USP31: variants seen among roughly 807,000 people sequenced by gnomAD.
The protein encoded by USP31 is ubiquitin specific peptidase 31.
Under a neutral mutation model 119.4 loss-of-function variants are expected in USP31, and 44 were observed. That is an observed-to-expected ratio of 0.37 (90% CI 0.29 to 0.47). The LOEUF is 0.47. USP31 is among the 20% of genes least tolerant of loss of function. The pLI, the probability that USP31 is intolerant of heterozygous loss-of-function variation, is 0.99. For missense variants in USP31, 1,643 were observed against 1,730.2 expected (o/e 0.95, Z 0.89); for synonymous variants, 749 against 705.6 (o/e 1.06, Z -0.97).
At chr16:23,082,126 A>G (rs1376431774) in intron 12 of USP31, among the ~76,000 whole-genome samples, 3 of 152,208 alleles carry the variant, frequency 2.0e-5, no homozygotes, top group African/African-American at 7.2e-5. Flanking sequence ...TTAGGTAGAA[A>G]CAGAATTCTA....
Position 23,068,309 on chromosome 16 carries a change from T to C in USP31, c.3796A>G (p.Thr1266Ala), listed in dbSNP as rs781482344. 6.2e-7 allele frequency: 1 copy of C among 1,613,866 alleles called. No individual in the cohort carries two copies. The highest frequency in any genetic ancestry group is 1.3e-5 in the African/African-American group (1 of 74,906). Residue 1266 changes from threonine (T) to alanine (A), a missense_variant, in exon 16 of 16, where the codon ACC (threonine) becomes GCC (alanine). This residue lies in a region of USP31 where 699 missense variants were observed against 650.9 expected (regional missense o/e 1.07). Transcript: ENST00000219689. ...GSSVKSVCKN[T>A]GDDEAERGHQ... Reference sequence around the variant, plus strand: ...CCTCTCTCTGCCTCGTCGTCCCCGGTGTTCTTACAGACAGACTTAACAGAG... The same window carrying C: ...CCTCTCTCTGCCTCGTCGTCCCCGGCGTTCTTACAGACAGACTTAACAGAG...
chr16:23,105,954 C>G (rs548189446), intron 4 of USP31, among the ~76,000 whole-genome samples: 2 of 152,248 alleles, frequency 1.3e-5, no homozygotes, highest in African/African-American at 4.8e-5. Context: ...CACTCAGCAG[C>G]CCCCGTCCCC....
intron 1 of USP31, among the ~76,000 whole-genome samples, chr16:23,143,592 G>C (rs1008113999): frequency 2.0e-5 from 3 of 150,778 alleles, no homozygotes; most frequent in African/African-American, 4.9e-5. Context: ...GGTTGGGGGG[G>C]GGGAGAGAGA....
At chr16:23,085,503 C>T in intron 10 of USP31, 82 bp downstream of exon 10, 1 of 1,247,052 alleles carries the variant, frequency 8.0e-7, no homozygotes, top group East Asian at 2.3e-5. Flanking sequence ...TGTGTTTCAG[C>T]TCATTTAACA....
intron 13 of USP31, among the ~76,000 whole-genome samples, chr16:23,076,322 G>T (rs1298549629): frequency 6.6e-6 from 1 of 150,628 alleles, no homozygotes; most frequent in Non-Finnish European, 1.5e-5. Context: ...CTTAAAAACA[G>T]AGTATCTTTC....
chr16:23,068,878 T>C lies in USP31; in HGVS notation c.3227A>G (p.Lys1076Arg). 6.3e-7 allele frequency: 1 copy of C among 1,592,852 alleles called. No homozygotes were observed. Among genetic ancestry groups the C allele is most frequent in the Non-Finnish European group, 8.5e-7 (1 of 1,170,218 alleles). ...VSLKPSRSRS[K>R]ADSSSRGSGR... ...ACTGCCCCTGGAAGAAGAATCTGCT[T>C]TGCTGCGGGAGCGGGAGGGCTTTAG... Residue 1076 changes from lysine to arginine, a missense_variant, in exon 16 of 16, where the codon AAA becomes AGA. By Grantham distance (26) the Lys-to-Arg change is conservative. This residue lies in a region of USP31 where 699 missense variants were observed against 650.9 expected (regional missense o/e 1.07). Transcript: ENST00000219689.
intron 15 of USP31, 96 bp from the exon 16 acceptor site, chr16:23,069,712 G>C: frequency 1.4e-6 from 2 of 1,453,966 alleles, no homozygotes. Context: ...TAAGCCTCAT[G>C]GGATGAAAGG....
At chr16:23,114,723 A>T (rs960373881) in intron 1 of USP31, among the ~76,000 whole-genome samples, 2 of 152,182 alleles carry the variant, frequency 1.3e-5, no homozygotes, top group South Asian at 4.1e-4. Flanking sequence ...GGCACGACCC[A>T]ACAGGTAACA....
intron 10 of USP31, 85 bp from the exon 11 acceptor site, chr16:23,085,074 C>T: frequency 6.7e-7 from 1 of 1,496,312 alleles, no homozygotes; most frequent in Non-Finnish European, 9.0e-7. Flanking sequence ...GAAGTGACTA[C>T]AAACTCATAA....
rs777368183 is a variant in USP31 at position 23,080,155 on chromosome 16, A to G, written c.1967T>C (p.Met656Thr). The G allele has an allele frequency of 3.2e-6, 5 of 1,556,906 alleles. No individual in the cohort carries two copies. Among genetic ancestry groups the G allele is most frequent in the Admixed American group, 4.0e-5 (2 of 50,366 alleles). The change falls in exon 13 of 16, where the codon ATG becomes ACG. Residue 656 changes from methionine (M) to threonine (T), a missense_variant. Around this residue, in one of 5 missense-constraint regions of USP31, gnomAD observed 279 missense variants for 372.2 expected, o/e 0.75. Transcript: ENST00000219689. ...KRFRQEGDRR[M>T]KLQNMVKFPL... is the part of the protein sequence containing the mutation. ...GAATTTGACCATGTTCTGAAGTTTC[A>G]TGCGCCTGTCTCCTTCCTGTTGCAA...
chr16:23,074,103 T>A (rs750941120), intron 13 of USP31: 5 of 552,120 alleles, frequency 9.1e-6, no homozygotes, highest in Non-Finnish European at 1.6e-5. Flanking sequence ...CAGTTCCAGT[T>A]CATCTTAGAA....
rs763456010 is a variant in USP31, at chr16:23,148,896, G to A, written c.375C>T (p.Pro125=). Residue 125 remains proline (P), a synonymous_variant, in exon 1 of 16, where the codon CCC becomes CCT. Transcript: ENST00000219689. ...CGTGGTTGCGGAGCCCCGCCACGCC[G>A]GGCACCGGCTCGGCGGCGCAAGCGG... ...APPACAAEPV[P]GVAGLRNHGN... 5.5e-6 allele frequency: 8 copies of A among 1,442,536 alleles called. No individual in the cohort carries two copies. Among genetic ancestry groups the A allele is most frequent in the African/African-American group, 1.5e-5 (1 of 68,360 alleles). The allele number at this position is 1,442,536 out of a possible 1,614,324, so 89.4% of individuals were successfully genotyped here.
At chr16:23,123,138 T>C (rs1399958959) in intron 1 of USP31, among the ~76,000 whole-genome samples, 1 of 152,136 alleles carries the variant, frequency 6.6e-6, no homozygotes, top group Non-Finnish European at 1.5e-5. Flanking sequence ...GTTAGAGATG[T>C]CCTATTTCTT....
chr16:23,111,343 T>C (rs1260524013), intron 1 of USP31, among the ~76,000 whole-genome samples: 1 of 151,960 alleles, frequency 6.6e-6, no homozygotes, highest in East Asian at 1.9e-4. Context: ...ACCTAATGAA[T>C]GTGGAGAGGG....
chr16:23,146,790 A>G (rs1222558340), intron 1 of USP31, among the ~76,000 whole-genome samples: 2 of 152,166 alleles, frequency 1.3e-5, no homozygotes, highest in Admixed American at 6.5e-5. Flanking sequence ...TCATATTTTA[A>G]CAAAATCATC....
chr16:23,115,476 G>A (rs142163885), intron 1 of USP31, among the ~76,000 whole-genome samples: 4 of 152,156 alleles, frequency 2.6e-5, no homozygotes, highest in Non-Finnish European at 5.9e-5. Flanking sequence ...GCAACATATC[G>A]AGACCCTGTC....
At chr16:23,108,686 C>T (rs1382156133) in intron 1 of USP31, among the ~76,000 whole-genome samples, 1 of 152,014 alleles carries the variant, frequency 6.6e-6, no homozygotes, top group African/African-American at 2.4e-5. Flanking sequence ...CATATACATA[C>T]AAAGAAAAAG....
At chr16:23,109,160 C>T (rs1413006055) in intron 1 of USP31, among the ~76,000 whole-genome samples, 1 of 152,186 alleles carries the variant, frequency 6.6e-6, no homozygotes, top group African/African-American at 2.4e-5. Flanking sequence ...TTTATATAAA[C>T]TTGGGTTCAC....
chr16:23,146,235 G>A (rs1046387022), intron 1 of USP31, among the ~76,000 whole-genome samples: 2 of 133,924 alleles, frequency 1.5e-5, no homozygotes, highest in Non-Finnish European at 3.2e-5. Flanking sequence ...GGGGCAGTGT[G>A]GGGTGGGGGG....
Sources: gnomAD v4.1 joint callset for allele counts (sites outside exome capture counted in the v4.1 genomes callset) on GRCh38, gnomAD v4.1.1 for gene constraint, gnomAD v4.1.1 regional missense constraint, MANE v1.5 for transcripts, NCBI Gene and HGNC (gene_info 2026-07-23, HGNC 2026-07-21) for gene names.